Variants in STK38 observed in about 807,000 individuals in gnomAD.
The protein encoded by STK38 is serine/threonine-protein kinase 38.
Under a neutral mutation model 59.0 loss-of-function variants are expected in STK38, and 26 were observed. That is an observed-to-expected ratio of 0.44 (90% CI 0.32 to 0.61). STK38 has a LOEUF of 0.61. Ranked by LOEUF, STK38 falls within the 20% of genes least tolerant of loss-of-function variation. The pLI is 0.04. For missense variants in STK38, 433 were observed against 566.0 expected (o/e 0.76, Z 2.38); for synonymous variants, 175 against 176.6 (o/e 0.99, Z 0.07).
In STK38 at chr6:36,497,811, A is replaced by G; in HGVS notation, c.1141T>C (p.Phe381Leu). Residue 381 changes from phenylalanine (F) to leucine (L), a missense_variant, in exon 12 of 14, where the codon TTT (phenylalanine) becomes CTT (leucine). Transcript: ENST00000229812. ...PGVEEIKSNS[F>L]FEGVDWEHIR... ...TGTTCCCAGTCAACGCCTTCAAAAA[A>G]AGAGTTACTTTTTATTTCCTCAACT... 6.2e-7 allele frequency: 1 copy of G among 1,613,854 alleles called. No individual in the cohort carries two copies.
chr6:36,539,607 A>G (rs9470308), intron 2 of STK38, among the ~76,000 whole-genome samples: 1,776 of 152,272 alleles, frequency 0.012, 39 homozygotes, highest in African/African-American at 0.04. Context: ...AATTCACAGA[A>G]AGACTAAGGA....
chr6:36,501,734 T>C (rs1367278496), intron 9 of STK38, among the ~76,000 whole-genome samples: 1 of 152,120 alleles, frequency 6.6e-6, no homozygotes, highest in African/African-American at 2.4e-5. Flanking sequence ...CTTGTTTGTC[T>C]TAACATTCGT....
chr6:36,505,100 A>C (rs952017494), intron 9 of STK38, among the ~76,000 whole-genome samples: 4 of 152,158 alleles, frequency 2.6e-5, no homozygotes, highest in Admixed American at 2.6e-4. Flanking sequence ...TCAGTCTTTT[A>C]AAAACCAGAT....
intron 2 of STK38, among the ~76,000 whole-genome samples, chr6:36,532,382 T>C (rs1340922134): frequency 6.6e-6 from 1 of 152,030 alleles, no homozygotes; most frequent in East Asian, 1.9e-4. Flanking sequence ...GAGGTAACTC[T>C]TGTCAATCAC....
intron 2 of STK38, among the ~76,000 whole-genome samples, chr6:36,527,307 C>CACAT (rs1561987064): frequency 7.6e-6 from 1 of 131,942 alleles, no homozygotes; most frequent in African/African-American, 2.9e-5. Context: ...TATGTATATA[C>CACAT]GTATATATAC....
At chr6:36,508,884 G>A (rs1411728003) in intron 7 of STK38, among the ~76,000 whole-genome samples, 1 of 152,228 alleles carries the variant, frequency 6.6e-6, no homozygotes, top group African/African-American at 2.4e-5. Flanking sequence ...TGGATGAGAT[G>A]CACTGCAAGC....
chr6:36,497,890 G>A lies in STK38; in HGVS notation c.1077-15C>T. ...CACAGCAGAACCTGGAAAAGACAGA[G>A]GCCTTTCAGCACATCTCAAGCAGTC... On this transcript the variant is annotated splice_polypyrimidine_tract_variant and intron_variant, in intron 11 of 13. Transcript: ENST00000229812. 6.3e-7 allele frequency: 1 copy of A among 1,588,048 alleles called. No individual in the cohort carries two copies. The highest frequency in any genetic ancestry group is 8.6e-7 in the Non-Finnish European group (1 of 1,165,578).
chr6:36,527,992 C>T (rs111367622), intron 2 of STK38, among the ~76,000 whole-genome samples: 5,797 of 151,622 alleles, frequency 0.038, 172 homozygotes, highest in Non-Finnish European at 0.056. Flanking sequence ...GCCTGTAGTC[C>T]CAGCTACTCG....
At chr6:36,511,521 A>G (rs190738312) in intron 7 of STK38, among the ~76,000 whole-genome samples, 3 of 151,656 alleles carry the variant, frequency 2.0e-5, no homozygotes, top group East Asian at 2.0e-4. Context: ...ACATCTGGCT[A>G]ATTTTTTTGT....
At chr6:36,503,461 T>C (rs1461945395) in intron 9 of STK38, among the ~76,000 whole-genome samples, 1 of 152,080 alleles carries the variant, frequency 6.6e-6, no homozygotes, top group Non-Finnish European at 1.5e-5. Context: ...TGTGTGTGTA[T>C]GATATATATT....
chr6:36,506,676 G>A, intron 8 of STK38, 32 bp from the exon 9 acceptor site: 2 of 1,600,856 alleles, frequency 1.2e-6, no homozygotes, highest in South Asian at 2.2e-5. Flanking sequence ...TGCAGTCAAA[G>A]TTCAGACCAA....
At chr6:36,522,592 CA>C (rs1777404164) in intron 4 of STK38, 1 of 152,052 alleles carries the variant, frequency 6.6e-6, no homozygotes, top group Admixed American at 6.5e-5. Context: ...CGCGGTAGCT[CA>C]CACCTATAAT....
intron 2 of STK38, among the ~76,000 whole-genome samples, chr6:36,528,323 G>T (rs1258522815): frequency 6.6e-6 from 1 of 152,156 alleles, no homozygotes; most frequent in African/African-American, 2.4e-5. Context: ...GGACTGGCAG[G>T]GAAAGCAACT....
At chr6:36,510,504 G>A (rs1224984744) in intron 7 of STK38, among the ~76,000 whole-genome samples, 1 of 152,148 alleles carries the variant, frequency 6.6e-6, no homozygotes, top group Non-Finnish European at 1.5e-5. Context: ...TGCCTGGGAG[G>A]GCAGGGCTCC....
intron 7 of STK38, among the ~76,000 whole-genome samples, chr6:36,510,157 A>G (rs1777073438): frequency 6.6e-6 from 1 of 152,138 alleles, no homozygotes; most frequent in Admixed American, 6.5e-5. Flanking sequence ...ATAGCCATCA[A>G]TCATTTTGTC....
At chr6:36,516,133 T>G (rs1582428926) in intron 6 of STK38, among the ~76,000 whole-genome samples, 1 of 152,232 alleles carries the variant, frequency 6.6e-6, no homozygotes, top group South Asian at 2.1e-4. Flanking sequence ...TCAGTGCTTT[T>G]TTTTCTCTAG....
At chr6:36,523,669 G>A (rs1441634839) in intron 4 of STK38, among the ~76,000 whole-genome samples, 1 of 152,180 alleles carries the variant, frequency 6.6e-6, no homozygotes, top group Non-Finnish European at 1.5e-5. Context: ...CCTTGCATGG[G>A]CTCTTTCAAG....
chr6:36,538,458 A>T lies in STK38; in HGVS notation c.131+1614T>A, dbSNP rs1426605693. Among the ~76,000 whole-genome samples, 15 of 152,380 alleles carry T rather than the reference A, an allele frequency of 9.8e-5. No individual in the cohort carries two copies. In the East Asian group the frequency reaches 2.1e-3, roughly 22 times the overall value. ...CAAGTGTATGCAATTGTCAAAACTCATAAAATGGTACCCTTGAACTTGTGC... is the reference window on the plus strand; with the variant it reads ...CAAGTGTATGCAATTGTCAAAACTCTTAAAATGGTACCCTTGAACTTGTGC... On this transcript the variant is annotated intron_variant, in intron 2 of 13. Transcript: ENST00000229812.
intron 2 of STK38, among the ~76,000 whole-genome samples, chr6:36,535,937 ACT>A (rs1777780460): frequency 6.6e-6 from 1 of 151,832 alleles, no homozygotes; most frequent in East Asian, 1.9e-4. Flanking sequence ...TAATAACTTG[ACT>A]CTAAAATTTA....
Sources: allele counts gnomAD v4.1 joint callset (sites outside exome capture counted in the v4.1 genomes callset), GRCh38; gene constraint gnomAD v4.1.1; transcripts MANE v1.5; gene names NCBI Gene and HGNC (gene_info 2026-07-23, HGNC 2026-07-21).